Variants in MNAT1 observed in about 807,000 individuals in gnomAD.
MNAT1 encodes the protein MNAT1 component of CDK activating kinase, also known as CDK-activating kinase assembly factor MAT1.
A neutral mutation model predicts 42.0 loss-of-function variants in MNAT1; 43 were observed. The ratio of observed to expected loss-of-function variants is 1.02; its 90% CI spans 0.80 to 1.32. MNAT1 has a LOEUF of 1.32. Ranked by LOEUF, MNAT1 falls within the 40% of genes most tolerant of loss-of-function variation. The pLI, the probability that MNAT1 is intolerant of heterozygous loss-of-function variation, is 0.00. For synonymous variants in MNAT1, 118 were observed against 120.0 expected, an observed-to-expected ratio of 0.98 and a Z score of 0.11; for missense variants, 306 against 350.4, an observed-to-expected ratio of 0.87 and a Z score of 1.01.
intron 7 of MNAT1, among the ~76,000 whole-genome samples, chr14:60,918,504 G>A (rs1048254062): frequency 6.0e-5 from 9 of 151,194 alleles, no homozygotes; most frequent in African/African-American, 1.9e-4. Flanking sequence ...CACAGTGCCC[G>A]GCCAATTGTT....
chr14:60,764,983 G>T (rs987171551), intron 1 of MNAT1, among the ~76,000 whole-genome samples: 1 of 152,220 alleles, frequency 6.6e-6, no homozygotes, highest in Non-Finnish European at 1.5e-5. Flanking sequence ...AGGCGCGGTT[G>T]CTCATGCTTG....
intron 7 of MNAT1, among the ~76,000 whole-genome samples, chr14:60,956,046 A>G (rs114371237): frequency 0.013 from 1,968 of 151,936 alleles, 45 homozygotes; most frequent in African/African-American, 0.045. Context: ...CCTGACTGTA[A>G]CTTTGGGCTT....
chr14:60,869,040 A>ATATATATATTTTT (rs1465360826), intron 6 of MNAT1, among the ~76,000 whole-genome samples: 7 of 113,028 alleles, frequency 6.2e-5, no homozygotes, highest in African/African-American at 2.4e-4. Context: ...ATATATATAT[A>ATATATATATTTTT]TTTTTTTTTT....
At chr14:60,820,908 G>A (rs1053259191) in intron 6 of MNAT1, among the ~76,000 whole-genome samples, 1 of 152,106 alleles carries the variant, frequency 6.6e-6, no homozygotes, top group African/African-American at 2.4e-5. Context: ...CTGAGAAAGT[G>A]ACATTTGTAC....
rs1224684301 is a variant in MNAT1 at position 60,812,059 on chromosome 14, A to G, written c.493A>G (p.Ile165Val). The G allele has an allele frequency of 2.5e-6, 4 of 1,605,854 alleles. No individual in the cohort carries two copies. Among genetic ancestry groups the G allele is most frequent in the African/African-American group, 2.7e-5 (2 of 74,554 alleles). Residue 165 changes from isoleucine (I) to valine (V), a missense_variant, in exon 5 of 8, where the codon ATA (isoleucine) becomes GTA (valine). Ile to Val is a conservative substitution (Grantham distance 29). Around this residue, in one of 3 missense-constraint regions of MNAT1, gnomAD observed 118 missense variants for 99.8 expected, o/e 1.18. Transcript: ENST00000261245. ...RQENEQRRLF[I>V]QKEEQLQQIL... ...GGAAAATGAACAAAGAAGATTATTTATACAAAAAGAAGAACAACTGCAGCA... is the reference window on the plus strand; with the variant it reads ...GGAAAATGAACAAAGAAGATTATTTGTACAAAAAGAAGAACAACTGCAGCA...
chr14:60,908,350 T>C (rs1342951093), intron 7 of MNAT1, among the ~76,000 whole-genome samples: 1 of 152,236 alleles, frequency 6.6e-6, no homozygotes, highest in Non-Finnish European at 1.5e-5. Context: ...CTTTAAGTTT[T>C]ACGGTATATG....
At chr14:60,945,740 C>T (rs4151383) in intron 7 of MNAT1, among the ~76,000 whole-genome samples, 9,359 of 151,930 alleles carry the variant, frequency 0.062, 950 homozygotes, top group African/African-American at 0.21. Context: ...TTAGTTCTGC[C>T]GAGAGAAGCT....
chr14:60,811,812 C>T (rs188883242), intron 4 of MNAT1, among the ~76,000 whole-genome samples, 175 bp from the exon 5 acceptor site: 38 of 152,130 alleles, frequency 2.5e-4, no homozygotes, highest in Admixed American at 2.0e-4. Context: ...TTAATAGTAA[C>T]GTGTCTACAT....
chr14:60,905,135 G>C (rs1292742801), intron 7 of MNAT1, among the ~76,000 whole-genome samples: 1 of 151,988 alleles, frequency 6.6e-6, no homozygotes, highest in Non-Finnish European at 1.5e-5. Flanking sequence ...GCCAGTTACT[G>C]TTCTGGGTGC....
chr14:60,869,040 A>ATATATATATATTTT (rs1465360826), intron 6 of MNAT1, among the ~76,000 whole-genome samples: 20 of 113,026 alleles, frequency 1.8e-4, no homozygotes, highest in African/African-American at 6.5e-4. Flanking sequence ...ATATATATAT[A>ATATATATATATTTT]TTTTTTTTTT....
rs558684623 is a variant in MNAT1, at chr14:60,876,341, T to C, written c.688-3373T>C. 6.3e-4 allele frequency among the ~76,000 whole-genome samples: 96 copies of C among 152,192 alleles called. 2 individuals are homozygous for C. In the South Asian group the frequency reaches 0.018, roughly 29 times the overall value. On this transcript the variant is annotated intron_variant, in intron 6 of 7. Coordinates refer to ENST00000261245, the MANE Select transcript of MNAT1 (RefSeq NM_002431.4). ...AATTTCTGACATTACACTTTTTTTCTCTTTTTCCTGTGTATTTTAATTCTA... is the reference window on the plus strand; with the variant it reads ...AATTTCTGACATTACACTTTTTTTCCCTTTTTCCTGTGTATTTTAATTCTA...
At chr14:60,905,119 C>T (rs1037881487) in intron 7 of MNAT1, among the ~76,000 whole-genome samples, 1 of 151,926 alleles carries the variant, frequency 6.6e-6, no homozygotes, top group Admixed American at 6.6e-5. Context: ...GAAGTGCCTA[C>T]TGTGTGCCAG....
chr14:60,889,131 C>T (rs982038371), intron 7 of MNAT1, among the ~76,000 whole-genome samples: 18 of 152,176 alleles, frequency 1.2e-4, no homozygotes, highest in South Asian at 2.1e-4. Context: ...AAAAAGAGCC[C>T]GCATCGCTGA....
intron 1 of MNAT1, among the ~76,000 whole-genome samples, chr14:60,750,887 T>TA (rs2030063106): frequency 6.6e-6 from 1 of 152,140 alleles, no homozygotes; most frequent in African/African-American, 2.4e-5. Flanking sequence ...GAAGAGAAAT[T>TA]ATCTAAATAT....
chr14:60,805,193 C>T (rs1327525299), intron 3 of MNAT1, among the ~76,000 whole-genome samples: 7 of 148,986 alleles, frequency 4.7e-5, no homozygotes, highest in Admixed American at 3.4e-4. Context: ...TTTCTTGAGC[C>T]CTTACCAGAT....
intron 6 of MNAT1, among the ~76,000 whole-genome samples, chr14:60,869,040 ATTT>A (rs71114162): frequency 1.8e-5 from 2 of 113,026 alleles, no homozygotes; most frequent in Non-Finnish European, 3.7e-5. Flanking sequence ...ATATATATAT[ATTT>A]TTTTTTTTTT....
intron 1 of MNAT1, among the ~76,000 whole-genome samples, chr14:60,760,098 T>C (rs1053413850): frequency 1.2e-4 from 18 of 152,190 alleles, no homozygotes; most frequent in African/African-American, 4.3e-4. Flanking sequence ...TAAATATATC[T>C]ATTCCAAGTG....
chr14:60,792,332 C>G (rs1367751830), intron 1 of MNAT1, among the ~76,000 whole-genome samples: 1 of 152,068 alleles, frequency 6.6e-6, no homozygotes, highest in African/African-American at 2.4e-5. Flanking sequence ...AAAGATATGG[C>G]ACTTCAATCA....
At chr14:60,959,326 C>A (rs2036546478) in intron 7 of MNAT1, among the ~76,000 whole-genome samples, 1 of 152,202 alleles carries the variant, frequency 6.6e-6, no homozygotes, top group African/African-American at 2.4e-5. Flanking sequence ...GAATCCTGTG[C>A]AGAGCAGGCC....
Sources: allele counts gnomAD v4.1 joint callset (sites outside exome capture counted in the v4.1 genomes callset), GRCh38; gene constraint gnomAD v4.1.1; regional missense constraint gnomAD v4.1.1; transcripts MANE v1.5; gene names NCBI Gene and HGNC (gene_info 2026-07-23, HGNC 2026-07-21).